EXOC4: variants seen among roughly 807,000 people sequenced by gnomAD.
The protein encoded by EXOC4 is SEC8-like 1.
Under a neutral mutation model 107.2 loss-of-function variants are expected in EXOC4, and 71 were observed. That is an observed-to-expected ratio of 0.66 (90% CI 0.55 to 0.81). EXOC4 has a LOEUF of 0.81. EXOC4 is among the 30% of genes least tolerant of loss of function. EXOC4 has a pLI of 0.00. For synonymous variants in EXOC4, 456 were observed against 441.2 expected (o/e 1.03, Z -0.42); for missense variants, 1,108 against 1,189.6 (o/e 0.93, Z 1.01).
chr7:133,671,097 C>G (rs1489892430), intron 10 of EXOC4, among the ~76,000 whole-genome samples: 1 of 152,104 alleles, frequency 6.6e-6, no homozygotes, highest in African/African-American at 2.4e-5. Context: ...TACCTGAAGA[C>G]AAGTGAGCAA....
intron 9 of EXOC4, among the ~76,000 whole-genome samples, chr7:133,607,353 G>A (rs147034522): frequency 2.0e-5 from 3 of 152,170 alleles, no homozygotes; most frequent in South Asian, 2.1e-4. Flanking sequence ...GCAGTTTTCC[G>A]AGGCAGATGG....
At chr7:133,876,639 C>T (rs1440210238) in intron 11 of EXOC4, among the ~76,000 whole-genome samples, 2 of 152,016 alleles carry the variant, frequency 1.3e-5, no homozygotes, top group African/African-American at 4.8e-5. Context: ...AGTCAGATGC[C>T]TTACTGTGAA....
At chr7:133,566,833 A>G (rs528044787) in intron 9 of EXOC4, among the ~76,000 whole-genome samples, 15 of 152,216 alleles carry the variant, frequency 9.9e-5, no homozygotes, top group Non-Finnish European at 2.2e-4. Context: ...TTTTATGGTT[A>G]TGTGTAGACA....
chr7:133,927,887 G>A (rs1215041820), intron 13 of EXOC4, among the ~76,000 whole-genome samples: 6 of 152,134 alleles, frequency 3.9e-5, no homozygotes, highest in Non-Finnish European at 8.8e-5. Context: ...ATCAATTAAT[G>A]TTCAAGATGA....
chr7:133,326,796 GC>G (rs1341194078), intron 5 of EXOC4, among the ~76,000 whole-genome samples: 1 of 152,236 alleles, frequency 6.6e-6, no homozygotes, highest in Non-Finnish European at 1.5e-5. Context: ...GCTATGCCCT[GC>G]CCCCAGAGGT....
intron 11 of EXOC4, among the ~76,000 whole-genome samples, chr7:133,835,165 C>T (rs946241195): frequency 6.6e-6 from 1 of 151,944 alleles, no homozygotes; most frequent in Non-Finnish European, 1.5e-5. Context: ...ACTAATACAG[C>T]GAAAAATAAA....
chr7:133,744,047 CTT>C (rs1795624614), intron 10 of EXOC4, among the ~76,000 whole-genome samples: 2 of 151,968 alleles, frequency 1.3e-5, no homozygotes, highest in South Asian at 4.1e-4. Flanking sequence ...ACTTTATAAA[CTT>C]TACAACCAAA....
At chr7:133,413,424 C>A (rs1322652647) in intron 7 of EXOC4, among the ~76,000 whole-genome samples, 1 of 152,076 alleles carries the variant, frequency 6.6e-6, no homozygotes, top group Non-Finnish European at 1.5e-5. Flanking sequence ...GAAACTGTTG[C>A]TATAGATGGT....
At chr7:133,591,145 C>G (rs901407759) in intron 9 of EXOC4, among the ~76,000 whole-genome samples, 2 of 152,230 alleles carry the variant, frequency 1.3e-5, no homozygotes, top group African/African-American at 4.8e-5. Context: ...ATTTCAATTG[C>G]AGCATCTCCC....
At chr7:133,506,949 A>G (rs140919330) in intron 9 of EXOC4, among the ~76,000 whole-genome samples, 2,145 of 152,090 alleles carry the variant, frequency 0.014, 18 homozygotes, top group Non-Finnish European at 0.021. Flanking sequence ...TAGATACTCT[A>G]TATATTCTAG....
chr7:133,416,804 A>C (rs1213167090), intron 7 of EXOC4, among the ~76,000 whole-genome samples: 2 of 152,186 alleles, frequency 1.3e-5, no homozygotes, highest in Admixed American at 1.3e-4. Flanking sequence ...CTCTGCTTGC[A>C]GGGAGGGAAG....
intron 7 of EXOC4, among the ~76,000 whole-genome samples, chr7:133,447,576 A>C (rs1039272291): frequency 1.1e-4 from 17 of 152,086 alleles, no homozygotes; most frequent in Non-Finnish European, 1.6e-4. Context: ...ACATATTGGG[A>C]GTACAAAATT....
intron 10 of EXOC4, chr7:133,771,620 T>C (rs1796245690): frequency 6.6e-6 from 1 of 151,956 alleles, no homozygotes; most frequent in African/African-American, 2.4e-5. Context: ...AAATAAGGCT[T>C]GTAAGTAATT....
At chr7:133,923,071 G>A (rs2116660366) in intron 13 of EXOC4, among the ~76,000 whole-genome samples, 1 of 150,136 alleles carries the variant, frequency 6.7e-6, no homozygotes, top group Admixed American at 6.6e-5. Flanking sequence ...GTATGCATAT[G>A]TTGAGTGTTA....
chr7:133,479,503 T>G (rs1185132069), intron 8 of EXOC4: 1 of 152,640 alleles, frequency 6.6e-6, no homozygotes, highest in African/African-American at 2.4e-5. Flanking sequence ...AAGAAACTGT[T>G]TTTTAGGCCA....
chr7:133,621,141 T>C (rs1802319558), intron 9 of EXOC4, among the ~76,000 whole-genome samples: 2 of 152,246 alleles, frequency 1.3e-5, no homozygotes. Flanking sequence ...ATTTTACTGA[T>C]GGCTCAGGAT....
intron 5 of EXOC4, among the ~76,000 whole-genome samples, chr7:133,319,965 G>A (rs1392057255): frequency 6.6e-6 from 1 of 150,430 alleles, no homozygotes; most frequent in Admixed American, 6.7e-5. Flanking sequence ...TGTCTTAAGT[G>A]CTTTACATGA....
intron 10 of EXOC4, among the ~76,000 whole-genome samples, chr7:133,653,696 A>G (rs1486301187): frequency 6.6e-6 from 1 of 152,184 alleles, no homozygotes; most frequent in Non-Finnish European, 1.5e-5. Flanking sequence ...TTGACAGATA[A>G]GAAAAGGTAA....
intron 9 of EXOC4, among the ~76,000 whole-genome samples, chr7:133,609,611 T>G (rs1437972533): frequency 3.3e-5 from 5 of 152,336 alleles, no homozygotes; most frequent in Admixed American, 6.5e-5. Flanking sequence ...AGCATAGTTA[T>G]AACTAAACTG....
Sources: gnomAD v4.1 joint callset for allele counts (sites outside exome capture counted in the v4.1 genomes callset) on GRCh38, gnomAD v4.1.1 for gene constraint, MANE v1.5 for transcripts, NCBI Gene and HGNC (gene_info 2026-07-23, HGNC 2026-07-21) for gene names.